OR4K1: variants seen among roughly 807,000 people sequenced by gnomAD.
OR4K1 encodes the protein olfactory receptor 4K1.
OR4K1 carries 16 observed loss-of-function variants against 14.4 expected under a neutral mutation model. The ratio of observed to expected loss-of-function variants is 1.11; its 90% CI spans 0.75 to 1.68. The LOEUF is 1.68. Ranked by LOEUF, OR4K1 falls within the 40% of genes most tolerant of loss-of-function variation. OR4K1 has a pLI of 0.00. For missense variants in OR4K1, 548 were observed against 376.9 expected, an observed-to-expected ratio of 1.45 and a Z score of -3.76; for synonymous variants, 181 against 133.1, an observed-to-expected ratio of 1.36 and a Z score of -2.48.
At chr14:19,929,884 T>C (rs940545071), upstream of OR4K1, among the ~76,000 whole-genome samples, 9 of 152,250 alleles carry the variant, frequency 5.9e-5, no homozygotes, top group African/African-American at 2.2e-4. Context: ...TCCCTTAAGA[T>C]GCTAAATTAG....
chr14:19,929,383 G>A (rs1052724055), upstream of OR4K1, among the ~76,000 whole-genome samples: 9 of 149,690 alleles, frequency 6.0e-5, no homozygotes, highest in African/African-American at 2.2e-4. Flanking sequence ...GTGTGTGTGT[G>A]TGTGTGTGTG....
At chr14:19,924,027 C>G in the OR4K1 span, among the ~76,000 whole-genome samples, 2 of 152,102 alleles carry the variant, frequency 1.3e-5, no homozygotes, top group African/African-American at 4.8e-5. Context: ...AAATCAGGAG[C>G]CAGTTGAATA....
At chr14:19,933,261 T>C (rs1277240796) in intron 1 of OR4K1, among the ~76,000 whole-genome samples, 1 of 152,030 alleles carries the variant, frequency 6.6e-6, no homozygotes, top group Non-Finnish European at 1.5e-5. Flanking sequence ...CCTATGAAAA[T>C]AAATAATTTT....
At chr14:19,935,506 G>T in intron 1 of OR4K1, 142 bp from the exon 2 acceptor site, 3 of 662,654 alleles carry the variant, frequency 4.5e-6, no homozygotes, top group African/African-American at 1.9e-5. Flanking sequence ...TTAGTCAACT[G>T]AGTATTTACA....
the OR4K1 span, chr14:19,921,395 C>T: frequency 1.2e-6 from 2 of 1,614,086 alleles, no homozygotes; most frequent in Non-Finnish European, 1.7e-6. Flanking sequence ...GGCCCTTTAC[C>T]ATCTCTCCTT....
chr14:19,935,460 T>G, intron 1 of OR4K1, 188 bp from the exon 2 acceptor site: 1 of 495,360 alleles, frequency 2.0e-6, no homozygotes, highest in East Asian at 3.4e-5. Context: ...TTTTTCACAC[T>G]CTTTCAACTT....
chr14:19,925,554 T>A, the OR4K1 span, among the ~76,000 whole-genome samples: 1 of 152,368 alleles, frequency 6.6e-6, no homozygotes, highest in Non-Finnish European at 1.5e-5. Context: ...TTTTAAAAAG[T>A]AAGAAGGGAT....
Position 19,934,003 on chromosome 14 carries a change from A to G in OR4K1, c.-19-1645A>G, listed in dbSNP as rs1318997851. Among the ~76,000 whole-genome samples, 4 of 152,246 alleles carry G rather than the reference A, an allele frequency of 2.6e-5. No homozygotes were observed. In the East Asian group the frequency reaches 7.7e-4, roughly 29 times the overall value. On this transcript the variant is annotated intron_variant, in intron 1 of 1. Transcript: ENST00000641172. The stretch of plus-strand genomic sequence containing the variant: ...AAAACTACATAATGAAAGCTTGAAA[A>G]CAGTTTAAACACTTTTTAATTTGGT...
chr14:19,927,048 C>A (rs189374141), upstream of OR4K1, among the ~76,000 whole-genome samples: 1 of 152,356 alleles, frequency 6.6e-6, no homozygotes, highest in Non-Finnish European at 1.5e-5. Flanking sequence ...GCTGCCACAG[C>A]AGCAAGCCAT....
At chr14:19,923,586 T>A in the OR4K1 span, among the ~76,000 whole-genome samples, 8 of 152,292 alleles carry the variant, frequency 5.3e-5, 1 homozygote, top group African/African-American at 1.9e-4. Context: ...AGAAAAAATA[T>A]GTCAACAAAA....
chr14:19,928,821 G>A (rs545912379), upstream of OR4K1, among the ~76,000 whole-genome samples: 4 of 152,198 alleles, frequency 2.6e-5, no homozygotes, highest in South Asian at 8.3e-4. Context: ...TTGTGCATCT[G>A]CTCATTTTTC....
chr14:19,929,248 T>C (rs1882129903), upstream of OR4K1, among the ~76,000 whole-genome samples: 1 of 149,106 alleles, frequency 6.7e-6, no homozygotes, highest in Non-Finnish European at 1.5e-5. Context: ...ATATAGTTTA[T>C]ACATATATAT....
the OR4K1 span, among the ~76,000 whole-genome samples, chr14:19,925,525 G>A: frequency 2.0e-5 from 3 of 152,222 alleles, no homozygotes; most frequent in Non-Finnish European, 4.4e-5. Context: ...TTCCTAAATT[G>A]CTTTTGATAA....
At chr14:19,926,721 A>G (rs8013571), upstream of OR4K1, among the ~76,000 whole-genome samples, 732 of 152,262 alleles carry the variant, frequency 4.8e-3, 1 homozygote, top group Middle Eastern at 0.01. Flanking sequence ...CCCCGTACTA[A>G]CTCTGGTCTT....
upstream of OR4K1, among the ~76,000 whole-genome samples, chr14:19,926,744 C>T (rs1303080294): frequency 6.6e-6 from 1 of 152,216 alleles, no homozygotes; most frequent in Non-Finnish European, 1.5e-5. Context: ...GTGCAAACTG[C>T]CCAGCCATTC....
rs770555367 is a variant in OR4K1 at position 19,935,712 on chromosome 14, G to A, written c.46G>A (p.Gly16Arg). ...GATGGTGTCTGAGTTTGTACTTTTG[G>A]GACTCTCTAATTCCTGGGGACTTCA... ...ESMVSEFVLL[G>R]LSNSWGLQLF... Residue 16 changes from glycine to arginine, a missense_variant, in exon 2 of 2, where the codon GGA becomes AGA. By Grantham distance (125) the Gly-to-Arg change is moderately radical (BLOSUM62 -2). Transcript: ENST00000641172. The A allele has an allele frequency of 6.2e-7, 1 of 1,612,224 alleles. No homozygotes were observed. The highest frequency in any genetic ancestry group is 2.2e-5 in the East Asian group (1 of 44,874).
the OR4K1 span, chr14:19,920,527 G>T: frequency 6.7e-7 from 1 of 1,486,992 alleles, no homozygotes; most frequent in East Asian, 2.3e-5. Context: ...CACCTTAAAA[G>T]TATTCTTAAT....
chr14:19,920,800 AC>A, the OR4K1 span: 3 of 1,613,984 alleles, frequency 1.9e-6, no homozygotes, highest in African/African-American at 4.0e-5. Context: ...CTCTTGGGAA[AC>A]CTTTCCTTTG....
chr14:19,922,599 T>C, the OR4K1 span, among the ~76,000 whole-genome samples: 2 of 152,200 alleles, frequency 1.3e-5, no homozygotes, highest in Non-Finnish European at 2.9e-5. Context: ...ATTTTTTTTT[T>C]TCAAAGTAAA....
Sources: allele counts gnomAD v4.1 joint callset (sites outside exome capture counted in the v4.1 genomes callset), GRCh38; gene constraint gnomAD v4.1.1; transcripts MANE v1.5; gene names NCBI Gene and HGNC (gene_info 2026-07-23, HGNC 2026-07-21).